Variants in TENM3 observed in about 807,000 individuals in gnomAD.
TENM3 encodes the protein teneurin-3.
TENM3 carries 63 observed loss-of-function variants against 255.1 expected under a neutral mutation model. The observed-to-expected ratio is 0.25, with a 90% CI of 0.20 to 0.30. The LOEUF is 0.30. Ranked by LOEUF, TENM3 falls within the 10% of genes least tolerant of loss-of-function variation. TENM3 has a pLI of 1.00. For synonymous variants in TENM3, 1,306 were observed against 1,322.3 expected (o/e 0.99, Z 0.27); for missense variants, 2,929 against 3,461.1 (o/e 0.85, Z 3.86).
the TENM3 span, among the ~76,000 whole-genome samples, chr4:181,571,103 A>G: frequency 1.9e-3 from 282 of 152,222 alleles, 3 homozygotes; most frequent in African/African-American, 6.4e-3. Context: ...GAGACAGTGG[A>G]TTGAGAAAGG....
the TENM3 span, among the ~76,000 whole-genome samples, chr4:181,784,657 G>A: frequency 1.7e-4 from 26 of 152,132 alleles, no homozygotes; most frequent in Admixed American, 1.0e-3. Context: ...GTGTTTTCAC[G>A]GGAGAATTTC....
At chr4:182,613,813 A>T (rs1454447365) in intron 4 of TENM3, among the ~76,000 whole-genome samples, 1 of 152,224 alleles carries the variant, frequency 6.6e-6, no homozygotes, top group Non-Finnish European at 1.5e-5. Flanking sequence ...TAAAATAGTA[A>T]AACCAGTTTT....
rs760667697 is a variant in TENM3 at position 182,675,546 on chromosome 4, G to GA, written c.1326+2340dup. 5.4e-3 allele frequency among the ~76,000 whole-genome samples: 703 copies of GA among 129,210 alleles called. 2 individuals are homozygous for GA. The highest frequency in any genetic ancestry group is 0.012 in the African/African-American group (430 of 35,122). The allele number at this position is 129,210 out of a possible 152,430, so 84.8% of individuals were successfully genotyped here. On this transcript the variant is annotated intron_variant, in intron 7 of 27. Transcript: ENST00000511685. ...GACAGGAGCAAAACTCTGTCTAGGA[G>GA]AAAAAAAAAAAAAGCAGATTTTCTT...
the TENM3 span, among the ~76,000 whole-genome samples, chr4:181,914,541 G>A: frequency 5.6e-4 from 86 of 152,216 alleles, no homozygotes; most frequent in Non-Finnish European, 9.6e-4. Flanking sequence ...TTATAGCCCC[G>A]GTACCCAGCA....
intron 3 of TENM3, among the ~76,000 whole-genome samples, chr4:182,402,277 C>T (rs139680390): frequency 1.3e-5 from 2 of 152,238 alleles, no homozygotes; most frequent in East Asian, 3.9e-4. Context: ...CGCGGAAAGA[C>T]CTTTATGTTA....
chr4:182,456,443 T>A (rs1773881490), intron 3 of TENM3, among the ~76,000 whole-genome samples: 1 of 152,162 alleles, frequency 6.6e-6, no homozygotes, highest in African/African-American at 2.4e-5. Context: ...TGGGTGAGAT[T>A]TTGGGGTAGC....
At chr4:182,462,118 C>A (rs990778667) in intron 3 of TENM3, among the ~76,000 whole-genome samples, 1 of 151,130 alleles carries the variant, frequency 6.6e-6, no homozygotes, top group African/African-American at 2.4e-5. Context: ...ATCCAGGCTG[C>A]AGTACAGTGG....
At chr4:181,881,620 A>G in the TENM3 span, among the ~76,000 whole-genome samples, 1 of 152,104 alleles carries the variant, frequency 6.6e-6, no homozygotes, top group South Asian at 2.1e-4. Context: ...ATTTTGCTTT[A>G]CTTTTATTAG....
At chr4:181,533,457 C>A in the TENM3 span, among the ~76,000 whole-genome samples, 1 of 152,122 alleles carries the variant, frequency 6.6e-6, no homozygotes. Context: ...ATGTTCTCAA[C>A]AACAACATGT....
intron 2 of TENM3, among the ~76,000 whole-genome samples, chr4:182,328,472 T>C (rs1763552779): frequency 6.6e-6 from 1 of 152,124 alleles, no homozygotes; most frequent in Admixed American, 6.6e-5. Flanking sequence ...CACCTCGGCC[T>C]CCCAAAGTGC....
chr4:182,569,283 A>G (rs1328577376), intron 3 of TENM3, among the ~76,000 whole-genome samples: 1 of 152,174 alleles, frequency 6.6e-6, no homozygotes, highest in Non-Finnish European at 1.5e-5. Context: ...GGCCAGGCGC[A>G]GTGGCTCACG....
chr4:182,703,783 C>T (rs1448677418), intron 12 of TENM3, among the ~76,000 whole-genome samples: 1 of 152,108 alleles, frequency 6.6e-6, no homozygotes, highest in Admixed American at 6.5e-5. Flanking sequence ...ATTTTTCATA[C>T]GTAAAAGTGT....
chr4:181,664,957 AGG>A, the TENM3 span, among the ~76,000 whole-genome samples: 1 of 152,246 alleles, frequency 6.6e-6, no homozygotes, highest in Non-Finnish European at 1.5e-5. Context: ...TCTCACTAGT[AGG>A]TAACATTAAC....
intron 12 of TENM3, among the ~76,000 whole-genome samples, chr4:182,694,051 A>G (rs1757203000): frequency 1.3e-5 from 2 of 152,122 alleles, no homozygotes; most frequent in Non-Finnish European, 2.9e-5. Flanking sequence ...TTGTTTAACA[A>G]GAAATTTGTA....
chr4:182,023,146 C>G, the TENM3 span, among the ~76,000 whole-genome samples: 1 of 152,288 alleles, frequency 6.6e-6, no homozygotes, highest in Admixed American at 6.5e-5. Context: ...TAGAGCATGG[C>G]ATGAACGTTA....
chr4:181,526,062 C>A, the TENM3 span, among the ~76,000 whole-genome samples: 1 of 152,166 alleles, frequency 6.6e-6, no homozygotes, highest in Non-Finnish European at 1.5e-5. Flanking sequence ...AAAATATTCA[C>A]TAGCAGTATG....
intron 1 of TENM3, among the ~76,000 whole-genome samples, chr4:182,284,529 C>A (rs913672366): frequency 6.6e-6 from 1 of 152,002 alleles, no homozygotes; most frequent in South Asian, 2.1e-4. Context: ...AAATGTTGAA[C>A]CTGTGTTTAT....
intron 5 of TENM3, among the ~76,000 whole-genome samples, chr4:182,634,597 C>T (rs1186330915): frequency 6.6e-5 from 10 of 150,466 alleles, no homozygotes; most frequent in African/African-American, 4.9e-5. Flanking sequence ...TTTCTAACCA[C>T]AAATGTTAGG....
rs114139165 is a variant in TENM3 at position 182,689,337 on chromosome 4, G to T, written c.2221+986G>T. Among the ~76,000 whole-genome samples the T allele has an allele frequency of 8.1e-3, 1,239 of 152,232 alleles. 16 individuals are homozygous for T. Among genetic ancestry groups the T allele is most frequent in the African/African-American group, 0.028 (1,144 of 41,552 alleles). ...TGTATCCGTAAGTATTATGTACTTCGCTTTTTTGCTCACAGGATTTGGTTA... is the reference window on the plus strand; with the variant it reads ...TGTATCCGTAAGTATTATGTACTTCTCTTTTTTGCTCACAGGATTTGGTTA... On this transcript the variant is annotated intron_variant, in intron 12 of 27. Coordinates refer to ENST00000511685, the MANE Select transcript of TENM3 (RefSeq NM_001080477.4).
Sources: gnomAD v4.1 joint callset for allele counts (sites outside exome capture counted in the v4.1 genomes callset) on GRCh38, gnomAD v4.1.1 for gene constraint, MANE v1.5 for transcripts, NCBI Gene and HGNC (gene_info 2026-07-23, HGNC 2026-07-21) for gene names.